The following MSI2 variants were observed in gnomAD, a reference collection of about 807,000 sequenced individuals.
The protein encoded by MSI2 is RNA-binding protein Musashi homolog 2.
MSI2 carries 17 observed loss-of-function variants against 45.6 expected under a neutral mutation model. The ratio of observed to expected loss-of-function variants is 0.37; its 90% confidence interval spans 0.26 to 0.56. MSI2 has a LOEUF of 0.56. MSI2 is among the 20% of genes least tolerant of loss of function. MSI2 has a pLI of 0.77. For synonymous variants in MSI2, 156 were observed against 158.2 expected, an observed-to-expected ratio of 0.99 and a Z score of 0.11; for missense variants, 293 against 444.2, an observed-to-expected ratio of 0.66 and a Z score of 3.06.
intron 5 of MSI2, among the ~76,000 whole-genome samples, chr17:57,367,385 C>G (rs1917271393): frequency 6.6e-6 from 1 of 152,186 alleles, no homozygotes; most frequent in Non-Finnish European, 1.5e-5. Context: ...ATCTGCTTCC[C>G]TTCTGAAGGG....
intron 12 of MSI2, among the ~76,000 whole-genome samples, chr17:57,675,404 G>A (rs1045466058): frequency 3.7e-4 from 56 of 152,330 alleles, no homozygotes; most frequent in African/African-American, 1.3e-3. Flanking sequence ...GAGCCACTTC[G>A]ATAACCCGTC....
At chr17:57,409,768 G>C (rs937888660) in intron 6 of MSI2, among the ~76,000 whole-genome samples, 9 of 152,088 alleles carry the variant, frequency 5.9e-5, no homozygotes, top group Non-Finnish European at 8.8e-5. Flanking sequence ...CAGCACTTTG[G>C]GGGGCCAAGG....
chr17:57,623,724 C>G, intron 9 of MSI2, among the ~76,000 whole-genome samples: 1 of 152,148 alleles, frequency 6.6e-6, no homozygotes, highest in East Asian at 1.9e-4. Flanking sequence ...GGTCATCCCA[C>G]CGTAATGTGG....
At chr17:57,366,376 G>A (rs1044661162) in intron 5 of MSI2, among the ~76,000 whole-genome samples, 7 of 152,186 alleles carry the variant, frequency 4.6e-5, no homozygotes, top group African/African-American at 1.7e-4. Flanking sequence ...TCCCCTGAAG[G>A]GATCACACGT....
intron 7 of MSI2, among the ~76,000 whole-genome samples, chr17:57,567,422 T>C (rs1264984809): frequency 6.6e-6 from 1 of 152,226 alleles, no homozygotes. Flanking sequence ...AATTAAATTG[T>C]GTGTGGATGT....
intron 5 of MSI2, among the ~76,000 whole-genome samples, chr17:57,393,208 G>A (rs2083827141): frequency 1.3e-5 from 2 of 152,170 alleles, no homozygotes; most frequent in Admixed American, 1.3e-4. Context: ...TTTGAGTGCT[G>A]TCATGGTGCT....
intron 8 of MSI2, among the ~76,000 whole-genome samples, chr17:57,614,902 G>A (rs931616341): frequency 6.6e-6 from 1 of 152,126 alleles, no homozygotes; most frequent in Non-Finnish European, 1.5e-5. Flanking sequence ...GAGTCAGAAG[G>A]GAAACAGAAA....
At chr17:57,345,696 G>A (rs1005009053) in intron 5 of MSI2, among the ~76,000 whole-genome samples, 3 of 151,700 alleles carry the variant, frequency 2.0e-5, no homozygotes, top group Non-Finnish European at 4.4e-5. Context: ...GTGCATGCCT[G>A]TAATCCCAGC....
chr17:57,497,818 G>A (rs1350641901), intron 6 of MSI2, among the ~76,000 whole-genome samples: 1 of 152,204 alleles, frequency 6.6e-6, no homozygotes, highest in Non-Finnish European at 1.5e-5. Flanking sequence ...GTCCGGACAA[G>A]CTGATGACAG....
At chr17:57,426,833 G>T (rs2084501430) in intron 6 of MSI2, among the ~76,000 whole-genome samples, 1 of 152,218 alleles carries the variant, frequency 6.6e-6, no homozygotes, top group Admixed American at 6.5e-5. Flanking sequence ...TTCAATGGAG[G>T]TCTGCAGTGT....
chr17:57,459,366 C>T (rs1437962503), intron 6 of MSI2, among the ~76,000 whole-genome samples: 1 of 152,092 alleles, frequency 6.6e-6, no homozygotes, highest in Non-Finnish European at 1.5e-5. Context: ...GTCGGACTTT[C>T]TAGAAAAAGG....
chr17:57,514,751 GGTTGGTTATTCT>G (rs375938735), intron 6 of MSI2, among the ~76,000 whole-genome samples: 22 of 151,480 alleles, frequency 1.5e-4, no homozygotes, highest in African/African-American at 4.1e-4. Flanking sequence ...TAAGTAGGAG[GGTTGGTTATTCT>G]GTCAATACTC....
intron 6 of MSI2, among the ~76,000 whole-genome samples, chr17:57,474,320 A>G (rs1421059597): frequency 6.6e-6 from 1 of 152,188 alleles, no homozygotes; most frequent in Non-Finnish European, 1.5e-5. Flanking sequence ...GTCCCGGTGA[A>G]GTCGAACATC....
chr17:57,470,844 G>A (rs2586226), intron 6 of MSI2, among the ~76,000 whole-genome samples: 117,624 of 152,136 alleles, frequency 0.77, 45,991 homozygotes, highest in East Asian at 0.91. Context: ...TGGGCAAGTC[G>A]CTTAAACTCT....
chr17:57,597,017 G>T, intron 8 of MSI2, 67 bp downstream of exon 8: 1 of 1,180,236 alleles, frequency 8.5e-7, no homozygotes, highest in South Asian at 1.2e-5. Flanking sequence ...CAGTCTTGCA[G>T]ACTGGTCCAG....
intron 6 of MSI2, among the ~76,000 whole-genome samples, chr17:57,501,160 T>A (rs12947081): frequency 2.0e-5 from 3 of 152,028 alleles, no homozygotes; most frequent in Admixed American, 6.5e-5. Flanking sequence ...GTGTGGTTCC[T>A]GAGTGTAAGG....
At chr17:57,379,871 C>A (rs1203961599) in intron 5 of MSI2, among the ~76,000 whole-genome samples, 1 of 152,124 alleles carries the variant, frequency 6.6e-6, no homozygotes. Context: ...ACGGTGACTC[C>A]CCACCCCTCC....
intron 5 of MSI2, among the ~76,000 whole-genome samples, chr17:57,375,215 A>G (rs1206069777): frequency 6.6e-6 from 1 of 152,210 alleles, no homozygotes; most frequent in Non-Finnish European, 1.5e-5. Flanking sequence ...AAATGGAGCG[A>G]GAGATGGCAC....
At position 57,507,181 on chromosome 17, in the gene MSI2, G is replaced by GC. The variant is rs199962250; in HGVS notation, c.406-22495_406-22494insC. ...TCTGTTTCTCTGTGTGTGTTGGGGG[G>GC]GGGGGGTGTAAATCTCTTCCCATTG... On this transcript the variant is annotated intron_variant, in intron 6 of 13. Transcript: ENST00000284073. Among the ~76,000 whole-genome samples, 841 of 149,440 alleles carry GC rather than the reference G, an allele frequency of 5.6e-3. 32 individuals carry two copies. The highest frequency in any genetic ancestry group is 0.02 in the African/African-American group (794 of 40,246).
Sources: gnomAD v4.1 joint callset for allele counts (sites outside exome capture counted in the v4.1 genomes callset) on GRCh38, gnomAD v4.1.1 for gene constraint, MANE v1.5 for transcripts, NCBI Gene and HGNC (gene_info 2026-07-23, HGNC 2026-07-21) for gene names.